Variants in SLC25A26 observed in about 807,000 individuals in gnomAD.
SLC25A26 encodes the protein mitochondrial S-adenosylmethionine carrier protein.
A neutral mutation model predicts 37.8 loss-of-function variants in SLC25A26; 36 were observed. The ratio of observed to expected loss-of-function variants is 0.95; its 90% CI spans 0.73 to 1.26. The LOEUF is 1.26. SLC25A26 is among the 50% of genes most tolerant of loss of function. SLC25A26 has a pLI of 0.00. For missense variants in SLC25A26, 390 were observed against 331.1 expected, an observed-to-expected ratio of 1.18 and a Z score of -1.38; for synonymous variants, 129 against 122.5, an observed-to-expected ratio of 1.05 and a Z score of -0.35.
chr3:66,134,955 C>T (rs973343879), intron 1 of SLC25A26, among the ~76,000 whole-genome samples: 14 of 151,990 alleles, frequency 9.2e-5, no homozygotes, highest in Admixed American at 6.6e-5. Flanking sequence ...CTCAGCCTCC[C>T]GAGTAGCTGG....
At position 66,378,664 on chromosome 3, in the gene SLC25A26, C is replaced by A. The variant is rs1700829331; in HGVS notation, c.*857C>A. 6.6e-6 allele frequency: 1 copy of A among 152,348 alleles called. No individual in the cohort carries two copies. Among genetic ancestry groups the A allele is most frequent in the Non-Finnish European group, 1.5e-5 (1 of 68,016 alleles). The allele number at this position is 152,348 out of a possible 1,614,324, so 9.4% of individuals were successfully genotyped here. A position where few individuals can be genotyped will look rare whatever the true frequency, so the allele number is the denominator to read the frequency against. On this transcript the variant is annotated 3_prime_UTR_variant, in exon 10 of 10. Coordinates refer to ENST00000354883, the MANE Select transcript of SLC25A26 (RefSeq NM_001379210.1). Reference sequence around the variant, plus strand: ...AAATTCAAAACAAAATGTCAGGAATCTAGCAGTGTTGTCTGCCCTGGAGCA... The same window carrying A: ...AAATTCAAAACAAAATGTCAGGAATATAGCAGTGTTGTCTGCCCTGGAGCA...
At position 66,378,436 on chromosome 3, in the gene SLC25A26, T is replaced by TGTGAGAGAAA. The variant is rs1421804353; in HGVS notation, c.*631_*640dup. Reference sequence around the variant, plus strand: ...GATGTGTCCAGCGCCCCCTGTGGTGTGTGAGAGAAAGCAGCTGCAACTCAA... The same window carrying TGTGAGAGAAA: ...GATGTGTCCAGCGCCCCCTGTGGTGTGTGAGAGAAAGTGAGAGAAAGCAGCTGCAACTCAA... On this transcript the variant is annotated 3_prime_UTR_variant, in exon 10 of 10. Transcript: ENST00000354883. The TGTGAGAGAAA allele has an allele frequency of 6.6e-6, 1 of 152,640 alleles. No individual in the cohort carries two copies. The highest frequency in any genetic ancestry group is 1.5e-5 in the Non-Finnish European group (1 of 68,058). The allele number at this position is 152,640 out of a possible 1,614,324, so 9.5% of individuals were successfully genotyped here.
intron 1 of SLC25A26, among the ~76,000 whole-genome samples, chr3:66,149,954 G>A (rs138691130): frequency 3.3e-4 from 51 of 152,268 alleles, no homozygotes; most frequent in South Asian, 8.3e-4. Context: ...GTCCATGGGT[G>A]GGGAGGAGAA....
intron 3 of SLC25A26, among the ~76,000 whole-genome samples, chr3:66,245,548 T>C (rs1052244705): frequency 5.9e-5 from 9 of 152,090 alleles, no homozygotes; most frequent in African/African-American, 1.9e-4. Flanking sequence ...TCTTTGTAAT[T>C]AGAAAAGTAA....
At chr3:66,213,477 T>C (rs901860088) in intron 1 of SLC25A26, among the ~76,000 whole-genome samples, 112 of 151,618 alleles carry the variant, frequency 7.4e-4, no homozygotes, top group Middle Eastern at 3.4e-3. Context: ...TGTAATTTTT[T>C]TTAGAGAAAT....
intron 1 of SLC25A26, among the ~76,000 whole-genome samples, chr3:66,202,941 C>T (rs2071129279): frequency 6.6e-6 from 1 of 152,168 alleles, no homozygotes; most frequent in Non-Finnish European, 1.5e-5. Flanking sequence ...TAAAATTATA[C>T]ATGTATTACG....
Position 66,183,564 on chromosome 3 carries a change from C to T in SLC25A26, c.-353-37178C>T, listed in dbSNP as rs1042875765. ...ACATTGACCTTTATCGTGATGTTGA[C>T]CCTGGACATATACCTCACACTCCTT... is the stretch of plus-strand genomic sequence containing the variant. On this transcript the variant is annotated intron_variant, in intron 1 of 10. Coordinates refer to the SLC25A26 transcript ENST00000676754. 2.0e-5 allele frequency among the ~76,000 whole-genome samples: 3 copies of T among 152,010 alleles called. No homozygotes were observed. The East Asian group carries it at 5.8e-4, about 29-fold the overall frequency.
At chr3:66,220,464 CAAAT>C (rs1236454059), upstream of SLC25A26, among the ~76,000 whole-genome samples, 5 of 152,052 alleles carry the variant, frequency 3.3e-5, no homozygotes, top group African/African-American at 7.2e-5. Flanking sequence ...ACTGAACAAA[CAAAT>C]AATTTTAAAT....
intron 3 of SLC25A26, among the ~76,000 whole-genome samples, chr3:66,245,011 A>G (rs7623701): frequency 0.059 from 9,047 of 152,120 alleles, 836 homozygotes; most frequent in African/African-American, 0.2. Context: ...ACTCTTTTGT[A>G]AATAATTTCA....
chr3:66,364,479 G>A (rs1383065499), intron 7 of SLC25A26, among the ~76,000 whole-genome samples: 1 of 152,152 alleles, frequency 6.6e-6, no homozygotes, highest in Non-Finnish European at 1.5e-5. Flanking sequence ...TCTAGCACAG[G>A]CTGAGCTGTG....
intron 6 of SLC25A26, among the ~76,000 whole-genome samples, chr3:66,346,995 T>C (rs1187188484): frequency 6.6e-6 from 1 of 151,948 alleles, no homozygotes; most frequent in African/African-American, 2.4e-5. Context: ...TCAGACAACC[T>C]TGGGGAAGGT....
intron 1 of SLC25A26, among the ~76,000 whole-genome samples, chr3:66,139,038 C>G (rs1029870972): frequency 6.6e-6 from 1 of 150,420 alleles, no homozygotes; most frequent in Non-Finnish European, 1.5e-5. Flanking sequence ...CTCCTGTCCT[C>G]CTCCCCTCCC....
intron 1 of SLC25A26, among the ~76,000 whole-genome samples, chr3:66,162,356 T>A (rs2070371278): frequency 6.6e-6 from 1 of 151,074 alleles, no homozygotes; most frequent in South Asian, 2.1e-4. Context: ...TTTTTTTTTT[T>A]TTTTGTGGTT....
At chr3:66,336,348 G>A (rs962585959) in intron 5 of SLC25A26, among the ~76,000 whole-genome samples, 2 of 152,112 alleles carry the variant, frequency 1.3e-5, no homozygotes, top group African/African-American at 2.4e-5. Flanking sequence ...TCAGTAAAGA[G>A]ATGCTAAAAT....
intron 9 of SLC25A26, among the ~76,000 whole-genome samples, chr3:66,374,275 T>C (rs1391233199): frequency 6.6e-6 from 1 of 152,230 alleles, no homozygotes; most frequent in African/African-American, 2.4e-5. Context: ...GATGACTTTG[T>C]GTCTGTGTCA....
At chr3:66,237,795 A>G (rs1000041247) in intron 2 of SLC25A26, among the ~76,000 whole-genome samples, 2 of 152,190 alleles carry the variant, frequency 1.3e-5, no homozygotes, top group Admixed American at 1.3e-4. Flanking sequence ...CCACAAAACC[A>G]CAGCTCTAGA....
At chr3:66,197,083 G>A (rs2071054351) in intron 1 of SLC25A26, among the ~76,000 whole-genome samples, 1 of 152,034 alleles carries the variant, frequency 6.6e-6, no homozygotes, top group Admixed American at 6.5e-5. Context: ...CTGTCCTTAT[G>A]TTTATGTCAG....
intron 2 of SLC25A26, among the ~76,000 whole-genome samples, chr3:66,240,947 T>C (rs550267124): frequency 3.5e-4 from 53 of 151,964 alleles, no homozygotes; most frequent in African/African-American, 1.2e-3. Flanking sequence ...GGGGTTTCAC[T>C]GTGTTAGCCA....
At chr3:66,134,951 C>T (rs1319635782) in intron 1 of SLC25A26, among the ~76,000 whole-genome samples, 1 of 152,082 alleles carries the variant, frequency 6.6e-6, no homozygotes, top group African/African-American at 2.4e-5. Flanking sequence ...CTGCCTCAGC[C>T]TCCCGAGTAG....
Sources: allele counts gnomAD v4.1 joint callset (sites outside exome capture counted in the v4.1 genomes callset), GRCh38; gene constraint gnomAD v4.1.1; transcripts MANE v1.5; gene names NCBI Gene and HGNC (gene_info 2026-07-23, HGNC 2026-07-21).